DLGAP2: variants seen among roughly 807,000 people sequenced by gnomAD.
The protein encoded by DLGAP2 is disks large-associated protein 2.
In DLGAP2, 26 loss-of-function variants were observed where a neutral mutation model predicts 100.3. The observed-to-expected ratio is 0.26, with a 90% CI of 0.19 to 0.36. The LOEUF (loss-of-function observed/expected upper bound fraction) is 0.36, where lower values mean the gene tolerates loss of function less well. Ranked by LOEUF, DLGAP2 falls within the 10% of genes least tolerant of loss-of-function variation. The pLI is 1.00. For synonymous variants in DLGAP2, 886 were observed against 630.1 expected, an observed-to-expected ratio of 1.41 and a Z score of -6.08; for missense variants, 1,858 against 1,453.2, an observed-to-expected ratio of 1.28 and a Z score of -4.53.
In DLGAP2 at chr8:1,549,131, C is replaced by G; in HGVS notation, c.678C>G (p.Pro226=). The change falls in exon 5 of 15, where the codon CCC becomes CCG. Residue 226 remains proline, a synonymous_variant. Transcript: ENST00000637795. ...SAAAEQRSES[P]GRIRHLVHSV... is the part of the protein sequence containing the mutation. ...CCGCCGAGCAGCGCAGCGAGAGCCC[C>G]GGGCGGATCCGCCACCTGGTACACT... 5 of 1,589,774 alleles carry G rather than the reference C, an allele frequency of 3.1e-6. No individual in the cohort carries two copies. Among genetic ancestry groups the G allele is most frequent in the Non-Finnish European group, 4.3e-6 (5 of 1,170,356 alleles).
At chr8:1,687,480 G>A (rs1296819116) in intron 12 of DLGAP2, among the ~76,000 whole-genome samples, 1 of 152,140 alleles carries the variant, frequency 6.6e-6, no homozygotes, top group Non-Finnish European at 1.5e-5. Flanking sequence ...TGCAATTATA[G>A]GAAGCTACTT....
At chr8:932,915 C>G (rs1798991227) in intron 2 of DLGAP2, among the ~76,000 whole-genome samples, 1 of 152,172 alleles carries the variant, frequency 6.6e-6, no homozygotes, top group South Asian at 2.1e-4. Context: ...CATAACTTCC[C>G]CCTTTCCCCT....
chr8:839,015 C>G (rs752764349), intron 1 of DLGAP2, among the ~76,000 whole-genome samples: 3 of 152,262 alleles, frequency 2.0e-5, no homozygotes, highest in South Asian at 4.1e-4. Context: ...TCAGGAAAAG[C>G]CACATATGAC....
chr8:1,270,980 G>GT (rs1382136079), intron 3 of DLGAP2, among the ~76,000 whole-genome samples: 6 of 152,158 alleles, frequency 3.9e-5, no homozygotes, highest in African/African-American at 1.4e-4. Context: ...TTGCAAAAAG[G>GT]TAGATGGGAA....
At chr8:1,645,895 T>A (rs927624724) in intron 8 of DLGAP2, among the ~76,000 whole-genome samples, 1 of 152,210 alleles carries the variant, frequency 6.6e-6, no homozygotes, top group Non-Finnish European at 1.5e-5. Flanking sequence ...GGAGTGGACG[T>A]CTTGCTCCCA....
At chr8:1,000,166 G>A (rs1800906228) in intron 2 of DLGAP2, among the ~76,000 whole-genome samples, 1 of 151,128 alleles carries the variant, frequency 6.6e-6, no homozygotes, top group Non-Finnish European at 1.5e-5. Context: ...TTTCTCTAGA[G>A]CAGACAGATC....
chr8:1,079,009 G>T (rs1229400509), intron 2 of DLGAP2, among the ~76,000 whole-genome samples: 1 of 152,154 alleles, frequency 6.6e-6, no homozygotes, highest in Non-Finnish European at 1.5e-5. Flanking sequence ...GCACCATTTT[G>T]TACTCCCACC....
At chr8:959,906 C>A (rs576475052) in intron 2 of DLGAP2, among the ~76,000 whole-genome samples, 1 of 152,082 alleles carries the variant, frequency 6.6e-6, no homozygotes, top group South Asian at 2.1e-4. Flanking sequence ...GAGTGAACAG[C>A]TGTCTCAAAA....
At chr8:1,372,478 C>T (rs546626501) in intron 3 of DLGAP2, among the ~76,000 whole-genome samples, 1 of 152,198 alleles carries the variant, frequency 6.6e-6, no homozygotes, top group East Asian at 1.9e-4. Flanking sequence ...GGGCTTCTCA[C>T]CCTCAGCTCT....
At chr8:1,512,881 C>T (rs534542338) in intron 4 of DLGAP2, among the ~76,000 whole-genome samples, 81 of 152,370 alleles carry the variant, frequency 5.3e-4, no homozygotes, top group African/African-American at 1.8e-3. Context: ...AGTGAGGCCC[C>T]GGGTCATGGT....
At chr8:925,456 G>T in intron 2 of DLGAP2, among the ~76,000 whole-genome samples, 1 of 152,150 alleles carries the variant, frequency 6.6e-6, no homozygotes, top group East Asian at 1.9e-4. Flanking sequence ...GTTCTGTGTG[G>T]AGGCTGGACA....
At chr8:797,296 G>A (rs1170503983) in intron 1 of DLGAP2, among the ~76,000 whole-genome samples, 6 of 152,200 alleles carry the variant, frequency 3.9e-5, no homozygotes, top group Non-Finnish European at 8.8e-5. Flanking sequence ...TAAAAAAATG[G>A]ATTCATAGAG....
intron 2 of DLGAP2, among the ~76,000 whole-genome samples, chr8:953,604 A>G (rs1326196109): frequency 6.6e-6 from 1 of 152,256 alleles, no homozygotes; most frequent in Non-Finnish European, 1.5e-5. Context: ...TTTTAAAAAT[A>G]GAATGTCTGC....
intron 4 of DLGAP2, among the ~76,000 whole-genome samples, chr8:1,541,337 C>T (rs1053339469): frequency 6.6e-6 from 1 of 152,046 alleles, no homozygotes; most frequent in Non-Finnish European, 1.5e-5. Flanking sequence ...TTAAAATGGC[C>T]GTTGGAGACA....
chr8:964,017 A>G (rs1563116689), intron 2 of DLGAP2, among the ~76,000 whole-genome samples: 1 of 152,224 alleles, frequency 6.6e-6, no homozygotes, highest in Non-Finnish European at 1.5e-5. Context: ...AATCTCAAAC[A>G]TTATTTGGAA....
chr8:905,713 G>C (rs1798364748), intron 1 of DLGAP2, among the ~76,000 whole-genome samples: 1 of 152,142 alleles, frequency 6.6e-6, no homozygotes. Context: ...CACGGGAGCT[G>C]CGGCATTTGA....
chr8:1,624,019 C>T (rs1797426403), intron 6 of DLGAP2, among the ~76,000 whole-genome samples: 1 of 152,142 alleles, frequency 6.6e-6, no homozygotes, highest in Non-Finnish European at 1.5e-5. Flanking sequence ...CAGCCACTGC[C>T]AGAGTGATGA....
intron 2 of DLGAP2, among the ~76,000 whole-genome samples, chr8:1,167,119 G>C (rs1388770614): frequency 6.6e-6 from 1 of 151,928 alleles, no homozygotes; most frequent in Non-Finnish European, 1.5e-5. Flanking sequence ...CTGGGCAACT[G>C]ATCAAGGCAC....
intron 3 of DLGAP2, among the ~76,000 whole-genome samples, chr8:1,264,731 T>C (rs1424815024): frequency 6.6e-6 from 1 of 152,136 alleles, no homozygotes; most frequent in Non-Finnish European, 1.5e-5. Flanking sequence ...GCATAACCCA[T>C]ATAAAGAAAC....
Sources: gnomAD v4.1 joint callset for allele counts (sites outside exome capture counted in the v4.1 genomes callset) on GRCh38, gnomAD v4.1.1 for gene constraint, MANE v1.5 for transcripts, NCBI Gene and HGNC (gene_info 2026-07-23, HGNC 2026-07-21) for gene names.